Variants in PDE4DIP observed in about 807,000 individuals in gnomAD.
The protein encoded by PDE4DIP is myomegalin.
Under a neutral mutation model 221.4 loss-of-function variants are expected in PDE4DIP, and 59 were observed. That is an observed-to-expected ratio of 0.27 (90% CI 0.22 to 0.33). PDE4DIP has a LOEUF of 0.33. Among genes scored for constraint, PDE4DIP ranks in the 10% least tolerant of loss-of-function variants. PDE4DIP has a pLI of 1.00. For missense variants in PDE4DIP, 1,036 were observed against 2,154.2 expected, an observed-to-expected ratio of 0.48 and a Z score of 10.28; for synonymous variants, 404 against 815.9, an observed-to-expected ratio of 0.50 and a Z score of 8.60.
intron 1 of PDE4DIP, among the ~76,000 whole-genome samples, chr1:148,919,583 C>T (rs587646114): frequency 3.0e-4 from 45 of 151,894 alleles, no homozygotes; most frequent in Non-Finnish European, 5.4e-4. Flanking sequence ...ATGACCTTGC[C>T]CCATTGATGT....
intron 1 of PDE4DIP, among the ~76,000 whole-genome samples, chr1:148,858,356 A>G (rs1553397214): frequency 9.5e-5 from 9 of 94,832 alleles, no homozygotes. Context: ...AGGTATTGCT[A>G]TAGCAGATTG....
chr1:149,030,011 G>C (rs1427855560), intron 42 of PDE4DIP, 86 bp downstream of exon 45: 1 of 602,938 alleles, frequency 1.7e-6, no homozygotes, highest in African/African-American at 2.0e-5. Flanking sequence ...TGACCAGGGG[G>C]GCTTGGGGAT....
chr1:149,016,196 C>A, intron 32 of PDE4DIP, 103 bp from the exon 36 acceptor site: 3 of 637,412 alleles, frequency 4.7e-6, no homozygotes, highest in Non-Finnish European at 8.2e-6. Context: ...TGACATTCCA[C>A]ATGTCTCCTT....
chr1:148,992,240 A>G (rs1315385575), intron 22 of PDE4DIP: 7 of 1,215,528 alleles, frequency 5.8e-6, no homozygotes, highest in Non-Finnish European at 6.0e-6. Flanking sequence ...CTTTGCCCCT[A>G]TTTATTCTCT....
At chr1:149,025,239 A>C (rs2152768166) in intron 38 of PDE4DIP, among the ~76,000 whole-genome samples, 1 of 152,216 alleles carries the variant, frequency 6.6e-6, no homozygotes, top group South Asian at 2.1e-4. Context: ...CAGGATCAGA[A>C]CCAGATGTTG....
Position 149,029,973 on chromosome 1 carries a change from A to G in PDE4DIP, c.6952+48A>G, listed in dbSNP as rs782254659. 6.3e-5 allele frequency: 49 copies of G among 778,660 alleles called. 1 individual carries two copies. The South Asian group carries it at 7.3e-4, about 12-fold the overall frequency. The allele number at this position is 778,660 out of a possible 1,614,324, so 48.2% of individuals were successfully genotyped here. A position where few individuals can be genotyped will look rare whatever the true frequency, so the allele number is the denominator to read the frequency against. ...GGGGAAGAAACAGGCAGTCTTCCCG[A>G]TGCCCCACTTGTGCTGCAGATGAGC... On this transcript the variant is annotated intron_variant, in intron 42 of 43. Transcript: ENST00000369354.
intron 36 of PDE4DIP, chr1:149,020,575 T>C (rs1205322487): frequency 3.5e-6 from 1 of 287,392 alleles, no homozygotes; most frequent in Admixed American, 4.8e-5. Flanking sequence ...TAAAACTCTG[T>C]TATAGAAGTC....
chr1:148,933,867 A>T (rs1553472866), intron 4 of PDE4DIP, among the ~76,000 whole-genome samples: 1 of 150,724 alleles, frequency 6.6e-6, no homozygotes, highest in Non-Finnish European at 1.5e-5. Context: ...CCAGGCTAGT[A>T]ATAATAATGA....
exon 44 of PDE4DIP, chr1:149,031,973 T>C (rs782259026): frequency 3.1e-6 from 5 of 1,609,822 alleles, no homozygotes; most frequent in Non-Finnish European, 4.2e-6. Flanking sequence ...TGCCATGTAC[T>C]CCAGCCTTGT....
chr1:149,016,355 G>C (rs1355638881), exon 33 of PDE4DIP: 31 of 1,550,358 alleles, frequency 2.0e-5, no homozygotes, highest in Non-Finnish European at 2.8e-5. Context: ...CGACTTGGAA[G>C]CCGACTCTTC....
At chr1:148,938,807 G>T (rs1573853311) in intron 5 of PDE4DIP, among the ~76,000 whole-genome samples, 1 of 150,614 alleles carries the variant, frequency 6.6e-6, no homozygotes, top group Non-Finnish European at 1.5e-5. Flanking sequence ...TTTTTTTTTT[G>T]AGTTGGAGTC....
At chr1:148,996,423 G>A (rs1318985333) in intron 22 of PDE4DIP, among the ~76,000 whole-genome samples, 1 of 152,142 alleles carries the variant, frequency 6.6e-6, no homozygotes, top group East Asian at 1.9e-4. Flanking sequence ...AAATGCTGGG[G>A]GCACATATGG....
intron 1 of PDE4DIP, among the ~76,000 whole-genome samples, chr1:148,859,348 AATATGAGTGAT>A (rs1396325403): frequency 2.6e-3 from 391 of 148,972 alleles, no homozygotes; most frequent in African/African-American, 9.0e-3. Flanking sequence ...AACTCAAGAA[AATATGAGTGAT>A]ATACCATGCA....
chr1:149,031,547 T>C (rs1553637781), intron 43 of PDE4DIP, among the ~76,000 whole-genome samples: 2 of 150,854 alleles, frequency 1.3e-5, no homozygotes, highest in Non-Finnish European at 3.0e-5. Flanking sequence ...CCCAGCAAAA[T>C]GTCCTCTTCT....
intron 22 of PDE4DIP, chr1:148,992,432 GAATCTTTCTCAGTGA>G (rs2063322624): frequency 7.0e-7 from 1 of 1,427,898 alleles, no homozygotes; most frequent in Non-Finnish European, 9.2e-7. Flanking sequence ...TCCAAAGCAA[GAATCTTTCTCAGTGA>G]AATCTCATTA....
At chr1:148,987,778 A>T (rs2062170977) in intron 21 of PDE4DIP, among the ~76,000 whole-genome samples, 1 of 152,122 alleles carries the variant, frequency 6.6e-6, no homozygotes, top group African/African-American at 2.4e-5. Flanking sequence ...ACTAAAGAAC[A>T]TGTCATGAGC....
intron 5 of PDE4DIP, among the ~76,000 whole-genome samples, chr1:148,946,535 C>T (rs1266170400): frequency 3.1e-5 from 4 of 127,234 alleles, no homozygotes; most frequent in South Asian, 2.6e-4. Flanking sequence ...AGCAAGACTT[C>T]GTCTCAAAAA....
At chr1:149,031,840 G>T (rs2076820061) in intron 43 of PDE4DIP, 104 bp from the exon 47 acceptor site, 17 of 1,037,126 alleles carry the variant, frequency 1.6e-5, no homozygotes, top group Non-Finnish European at 2.5e-5. Flanking sequence ...CTCTCACCGT[G>T]CTCCTGGCTT....
At chr1:148,960,924 A>G (rs1204799215) in intron 6 of PDE4DIP, 139 bp downstream of exon 9, 2 of 624,822 alleles carry the variant, frequency 3.2e-6, no homozygotes, top group South Asian at 2.3e-5. Context: ...TATTTCATGT[A>G]AAAGTGTAGT....
Sources: gnomAD v4.1 joint callset for allele counts (sites outside exome capture counted in the v4.1 genomes callset) on GRCh38, gnomAD v4.1.1 for gene constraint, MANE v1.5 for transcripts, NCBI Gene and HGNC (gene_info 2026-07-23, HGNC 2026-07-21) for gene names.